The following SLIT3 variants were observed in gnomAD, a reference collection of about 807,000 sequenced individuals.
SLIT3 encodes the protein slit guidance ligand 3.
SLIT3 carries 68 observed loss-of-function variants against 184.0 expected under a neutral mutation model. That is an observed-to-expected ratio of 0.37 (90% CI 0.30 to 0.45). SLIT3 has a LOEUF of 0.45. Ranked by LOEUF, SLIT3 falls within the 20% of genes least tolerant of loss-of-function variation. The pLI is 1.00. For missense variants in SLIT3, 1,707 were observed against 2,026.0 expected (o/e 0.84, Z 3.02); for synonymous variants, 831 against 828.6 (o/e 1.00, Z -0.05).
chr5:169,250,069 T>C (rs1464277099), intron 2 of SLIT3, among the ~76,000 whole-genome samples: 2 of 152,374 alleles, frequency 1.3e-5, no homozygotes, highest in Non-Finnish European at 2.9e-5. Flanking sequence ...ACAGTGGCAC[T>C]GCATGGAGGT....
At chr5:168,981,294 G>A (rs958386888) in intron 4 of SLIT3, among the ~76,000 whole-genome samples, 2 of 152,112 alleles carry the variant, frequency 1.3e-5, no homozygotes, top group African/African-American at 2.4e-5. Flanking sequence ...GACTGACTAC[G>A]CAACAGTTCA....
At chr5:169,065,133 T>G (rs1758306129) in intron 4 of SLIT3, among the ~76,000 whole-genome samples, 1 of 152,210 alleles carries the variant, frequency 6.6e-6, no homozygotes, top group Non-Finnish European at 1.5e-5. Context: ...AAGCGAAACC[T>G]GCAGATACCA....
chr5:169,195,635 C>T (rs931183964), intron 3 of SLIT3, among the ~76,000 whole-genome samples: 2 of 152,082 alleles, frequency 1.3e-5, no homozygotes, highest in Non-Finnish European at 2.9e-5. Flanking sequence ...CAAGTGATTC[C>T]CCCACCTCCG....
chr5:169,047,954 C>T (rs1053660461), intron 4 of SLIT3, among the ~76,000 whole-genome samples: 3 of 151,716 alleles, frequency 2.0e-5, no homozygotes, highest in East Asian at 1.9e-4. Context: ...CCACAAGCAT[C>T]GATTAGATGC....
intron 4 of SLIT3, among the ~76,000 whole-genome samples, chr5:169,056,596 TA>T (rs75041666): frequency 0.11 from 16,407 of 145,278 alleles, 1,031 homozygotes; most frequent in Admixed American, 0.17. Context: ...GGCGATCTCT[TA>T]AAAAAAAAAA....
intron 6 of SLIT3, among the ~76,000 whole-genome samples, chr5:168,840,638 T>C (rs1381143859): frequency 1.3e-5 from 2 of 152,144 alleles, no homozygotes; most frequent in Non-Finnish European, 1.5e-5. Flanking sequence ...AAGCACGACT[T>C]ACTTGGAGAA....
chr5:168,871,189 G>T (rs977081479), intron 5 of SLIT3, among the ~76,000 whole-genome samples: 2 of 151,960 alleles, frequency 1.3e-5, no homozygotes, highest in Non-Finnish European at 2.9e-5. Context: ...CTCTCTCTCT[G>T]CTTCCAGCAC....
intron 20 of SLIT3, among the ~76,000 whole-genome samples, chr5:168,739,564 C>T (rs1224440050): frequency 1.3e-5 from 2 of 151,938 alleles, no homozygotes; most frequent in South Asian, 2.1e-4. Flanking sequence ...AAGTGATTCT[C>T]CTGCCTCACC....
chr5:168,835,751 C>CA (rs1758031041), intron 6 of SLIT3, among the ~76,000 whole-genome samples: 1 of 150,624 alleles, frequency 6.6e-6, no homozygotes, highest in African/African-American at 2.5e-5. Context: ...GCGGAGGTTG[C>CA]AGTGAGCCCA....
chr5:168,746,768 T>TGTG (rs1754460253), intron 20 of SLIT3, among the ~76,000 whole-genome samples: 1 of 96,202 alleles, frequency 1.0e-5, no homozygotes, highest in Non-Finnish European at 2.1e-5. Context: ...CGGTGTGTGG[T>TGTG]GGTGTGTGGT....
intron 4 of SLIT3, among the ~76,000 whole-genome samples, chr5:169,081,730 T>G (rs1203355826): frequency 6.6e-6 from 1 of 151,976 alleles, no homozygotes; most frequent in African/African-American, 2.4e-5. Context: ...CAGTAGGAGG[T>G]TGGACAGAGC....
At chr5:168,957,296 C>T (rs1581244701) in intron 4 of SLIT3, among the ~76,000 whole-genome samples, 2 of 151,816 alleles carry the variant, frequency 1.3e-5, no homozygotes, top group South Asian at 4.2e-4. Flanking sequence ...GAACTCCTGA[C>T]CTCAAGTGAT....
chr5:168,750,036 T>C (rs935936418), intron 18 of SLIT3, among the ~76,000 whole-genome samples: 1 of 152,162 alleles, frequency 6.6e-6, no homozygotes, highest in African/African-American at 2.4e-5. Flanking sequence ...GAGTCCCCCA[T>C]ATCAAGTGGG....
intron 4 of SLIT3, among the ~76,000 whole-genome samples, chr5:168,961,730 A>C (rs949501145): frequency 6.6e-6 from 1 of 152,170 alleles, no homozygotes; most frequent in African/African-American, 2.4e-5. Context: ...TGGTTGCAGA[A>C]AAGGGTAAGA....
chr5:168,859,919 ACT>A (rs1284773801), intron 5 of SLIT3, among the ~76,000 whole-genome samples: 1 of 152,146 alleles, frequency 6.6e-6, no homozygotes, highest in African/African-American at 2.4e-5. Context: ...CAACTGTAAC[ACT>A]GAGATTTCTT....
intron 1 of SLIT3, among the ~76,000 whole-genome samples, chr5:169,255,117 A>T (rs1765904736): frequency 6.6e-6 from 1 of 152,220 alleles, no homozygotes; most frequent in South Asian, 2.1e-4. Flanking sequence ...AGTTGTATGC[A>T]AGTACAGCAC....
intron 1 of SLIT3, among the ~76,000 whole-genome samples, chr5:169,265,792 A>ATTAT (rs1191292209): frequency 1.3e-5 from 2 of 152,198 alleles, no homozygotes; most frequent in African/African-American, 4.8e-5. Flanking sequence ...CAATTGGCTG[A>ATTAT]TTATTATTCA....
At chr5:168,930,880 C>T (rs2113161336) in intron 4 of SLIT3, among the ~76,000 whole-genome samples, 1 of 152,094 alleles carries the variant, frequency 6.6e-6, no homozygotes, top group African/African-American at 2.4e-5. Flanking sequence ...GAGTGATGTG[C>T]CTCCTAGACA....
chr5:168,807,898 C>T (rs1034138253), intron 8 of SLIT3, among the ~76,000 whole-genome samples: 20 of 152,116 alleles, frequency 1.3e-4, no homozygotes, highest in African/African-American at 4.1e-4. Context: ...GCGCTCTCCG[C>T]GTTCAATAGT....
Sources: gnomAD v4.1 joint callset for allele counts (sites outside exome capture counted in the v4.1 genomes callset) on GRCh38, gnomAD v4.1.1 for gene constraint, MANE v1.5 for transcripts, NCBI Gene and HGNC (gene_info 2026-07-23, HGNC 2026-07-21) for gene names.